Variants in PTPRN2 observed in about 807,000 individuals in gnomAD.
PTPRN2 encodes the protein protein tyrosine phosphatase receptor type N2.
In PTPRN2, 74 loss-of-function variants were observed where a neutral mutation model predicts 118.8. That is an observed-to-expected ratio of 0.62 (90% CI 0.52 to 0.76). The LOEUF (loss-of-function observed/expected upper bound fraction) is 0.76, where lower values mean the gene tolerates loss of function less well. Among genes scored for constraint, PTPRN2 ranks in the 30% least tolerant of loss-of-function variants. PTPRN2 has a pLI of 0.00. For synonymous variants in PTPRN2, 641 were observed against 608.0 expected (o/e 1.05, Z -0.80); for missense variants, 1,481 against 1,394.4 (o/e 1.06, Z -0.99).
chr7:158,063,889 C>A (rs532352649), intron 11 of PTPRN2, among the ~76,000 whole-genome samples: 18 of 152,256 alleles, frequency 1.2e-4, no homozygotes, highest in African/African-American at 4.1e-4. Context: ...AACCTAATAC[C>A]AATTAGCTAA....
At chr7:158,537,301 G>C (rs541297827) in intron 1 of PTPRN2, among the ~76,000 whole-genome samples, 7 of 152,228 alleles carry the variant, frequency 4.6e-5, no homozygotes, top group Non-Finnish European at 1.0e-4. Context: ...TGGCTTACAA[G>C]GGCAAGGGTC....
intron 12 of PTPRN2, among the ~76,000 whole-genome samples, chr7:157,685,840 AGT>A (rs1797160386): frequency 6.6e-6 from 1 of 152,136 alleles, no homozygotes; most frequent in Admixed American, 6.5e-5. Flanking sequence ...AAGGAGCCCC[AGT>A]GCCCTGGAGT....
intron 10 of PTPRN2, among the ~76,000 whole-genome samples, chr7:158,096,665 A>G (rs1814648649): frequency 6.6e-6 from 1 of 152,242 alleles, no homozygotes. Flanking sequence ...AACTGCTTGT[A>G]ATATTCAGAC....
intron 2 of PTPRN2, among the ~76,000 whole-genome samples, chr7:158,395,282 A>AGTGAGGGGTGAGGG (rs71960689): frequency 2.9e-5 from 3 of 103,290 alleles, no homozygotes; most frequent in African/African-American, 7.9e-5. Flanking sequence ...TCCCTGCACA[A>AGTGAGGGGTGAGGG]GTGAGGGGTG....
chr7:158,250,890 C>CTTATTTTCTCTGGTAGAGAAAA (rs1345966839), intron 3 of PTPRN2, among the ~76,000 whole-genome samples: 2 of 152,114 alleles, frequency 1.3e-5, no homozygotes, highest in Admixed American at 1.3e-4. Context: ...AAAAAATTAA[C>CTTATTTTCTCTGGTAGAGAAAA]AATTCGCTTA....
At chr7:158,220,507 A>G (rs1828279742) in intron 3 of PTPRN2, among the ~76,000 whole-genome samples, 1 of 152,148 alleles carries the variant, frequency 6.6e-6, no homozygotes, top group South Asian at 2.1e-4. Context: ...AACCAGTAGC[A>G]TACAATTCAC....
At chr7:158,364,221 C>T (rs1191044697) in intron 2 of PTPRN2, among the ~76,000 whole-genome samples, 2 of 137,672 alleles carry the variant, frequency 1.5e-5, no homozygotes, top group African/African-American at 5.6e-5. Flanking sequence ...CCTCACTTCA[C>T]CTGCCTCTCG....
rs1196036279 is a variant in PTPRN2 at position 158,546,193 on chromosome 7, C to T, written c.112+41365G>A. Among the ~76,000 whole-genome samples the T allele has an allele frequency of 1.3e-5, 2 of 152,176 alleles. No homozygotes were observed. The highest frequency in any genetic ancestry group is 2.9e-5 in the Non-Finnish European group (2 of 68,022). On this transcript the variant is annotated intron_variant, in intron 1 of 22. Transcript: ENST00000389418. The surrounding 1 kb of genome is among the most constrained non-coding windows in gnomAD (Gnocchi z 5.0). ...GGGGAAGGGGCTGGACACGGCCTGTCTCCTCCCTGAGAGGAACCATCAGGG... is the reference window on the plus strand; with the variant it reads ...GGGGAAGGGGCTGGACACGGCCTGTTTCCTCCCTGAGAGGAACCATCAGGG...
intron 11 of PTPRN2, among the ~76,000 whole-genome samples, chr7:158,073,382 T>C (rs375998047): frequency 1.1e-4 from 17 of 152,152 alleles, no homozygotes; most frequent in African/African-American, 3.6e-4. Flanking sequence ...CGGGGGAGGG[T>C]GTGGGCCCAT....
chr7:157,624,066 G>A (rs1315703719), intron 14 of PTPRN2, among the ~76,000 whole-genome samples: 1 of 152,098 alleles, frequency 6.6e-6, no homozygotes, highest in African/African-American at 2.4e-5. Context: ...GGTACCACGG[G>A]AGCTTAGTAC....
At chr7:158,141,901 G>A (rs1819419165) in intron 6 of PTPRN2, among the ~76,000 whole-genome samples, 1 of 152,242 alleles carries the variant, frequency 6.6e-6, no homozygotes, top group African/African-American at 2.4e-5. Context: ...TACACGAAAT[G>A]TGTGACGGAC....
intron 12 of PTPRN2, among the ~76,000 whole-genome samples, chr7:157,852,049 A>T (rs769919046): frequency 6.6e-6 from 1 of 152,196 alleles, no homozygotes; most frequent in African/African-American, 2.4e-5. Context: ...CGACACCTTC[A>T]CGTTATCAGC....
chr7:158,058,058 T>G (rs955151734), intron 11 of PTPRN2, among the ~76,000 whole-genome samples: 3 of 152,260 alleles, frequency 2.0e-5, no homozygotes, highest in Non-Finnish European at 2.9e-5. Flanking sequence ...TAAGTAAATC[T>G]GCATAAAGAA....
At chr7:158,296,950 C>G (rs1800546540) in intron 3 of PTPRN2, among the ~76,000 whole-genome samples, 1 of 152,172 alleles carries the variant, frequency 6.6e-6, no homozygotes, top group African/African-American at 2.4e-5. Flanking sequence ...GGAGGTGGAG[C>G]TTGGGTGGTG....
chr7:157,672,347 T>A (rs1181826403), intron 13 of PTPRN2, among the ~76,000 whole-genome samples: 3 of 152,094 alleles, frequency 2.0e-5, no homozygotes, highest in Non-Finnish European at 2.9e-5. Context: ...GTATATTTGT[T>A]CTCCTTGAAT....
chr7:157,908,058 C>A (rs542616231), intron 11 of PTPRN2, among the ~76,000 whole-genome samples: 26 of 152,380 alleles, frequency 1.7e-4, no homozygotes, highest in Non-Finnish European at 3.5e-4. Context: ...CACAGCACAG[C>A]GCGCCTGGTG....
At position 158,301,731 on chromosome 7, in the gene PTPRN2, T is replaced by C. The variant is rs760189428; in HGVS notation, c.277+15088A>G. ...TGGGAGGCCAAGGCAGGTGCATTGCTTGAGCCCAGGAGTTTGAGACCAGCC... is the reference window on the plus strand; with the variant it reads ...TGGGAGGCCAAGGCAGGTGCATTGCCTGAGCCCAGGAGTTTGAGACCAGCC... On this transcript the variant is annotated intron_variant, in intron 3 of 22. Transcript: ENST00000389418. 7.6e-4 allele frequency among the ~76,000 whole-genome samples: 115 copies of C among 152,174 alleles called. 1 individual carries two copies. The highest frequency in any genetic ancestry group is 2.5e-4 in the Non-Finnish European group (17 of 68,028).
At chr7:158,523,122 G>A (rs565551912) in intron 1 of PTPRN2, among the ~76,000 whole-genome samples, 1 of 152,296 alleles carries the variant, frequency 6.6e-6, no homozygotes, top group African/African-American at 2.4e-5. Flanking sequence ...AGGAGGCCAG[G>A]GTGTGACTCT....
At chr7:158,428,412 A>G (rs567832941) in intron 2 of PTPRN2, among the ~76,000 whole-genome samples, 1 of 152,308 alleles carries the variant, frequency 6.6e-6, no homozygotes, top group South Asian at 2.1e-4. Flanking sequence ...GATGTGTGCC[A>G]CCGCACAGAA....
Sources: gnomAD v4.1 joint callset for allele counts (sites outside exome capture counted in the v4.1 genomes callset) on GRCh38, gnomAD v4.1.1 for gene constraint, Gnocchi (gnomAD v3.1) non-coding constraint, MANE v1.5 for transcripts, NCBI Gene and HGNC (gene_info 2026-07-23, HGNC 2026-07-21) for gene names.